PRR16: variants seen among roughly 807,000 people sequenced by gnomAD.
PRR16 encodes protein Largen.
A neutral mutation model predicts 18.2 loss-of-function variants in PRR16; 6 were observed. The observed-to-expected ratio is 0.33, with a 90% CI of 0.18 to 0.65. The LOEUF (loss-of-function observed/expected upper bound fraction) is 0.65. PRR16 is among the 30% of genes least tolerant of loss of function. The pLI is 0.74. For synonymous variants in PRR16, 151 were observed against 147.8 expected, an observed-to-expected ratio of 1.02 and a Z score of -0.16; for missense variants, 412 against 376.6, an observed-to-expected ratio of 1.09 and a Z score of -0.78.
At chr5:120,473,551 C>T (rs991947551) in intron 1 of PRR16, among the ~76,000 whole-genome samples, 5 of 152,166 alleles carry the variant, frequency 3.3e-5, no homozygotes, top group South Asian at 2.1e-4. Context: ...CTTTGTAGAA[C>T]GTTTAGAATG....
chr5:120,569,195 A>G (rs139232813), intron 1 of PRR16, among the ~76,000 whole-genome samples: 5 of 152,160 alleles, frequency 3.3e-5, no homozygotes, highest in African/African-American at 4.8e-5. Flanking sequence ...CTTTTAACCA[A>G]TTGTTTACTG....
intron 1 of PRR16, among the ~76,000 whole-genome samples, chr5:120,494,661 G>C (rs1467472017): frequency 6.6e-6 from 1 of 151,930 alleles, no homozygotes; most frequent in Non-Finnish European, 1.5e-5. Flanking sequence ...TCAGGCTATT[G>C]GTGTTAAGTA....
the PRR16 span, among the ~76,000 whole-genome samples, chr5:120,750,581 C>T: frequency 1.1e-4 from 16 of 151,896 alleles, no homozygotes; most frequent in East Asian, 1.6e-3. Context: ...GCAGGAGAAT[C>T]GCTTGGACAT....
At chr5:120,607,763 G>A (rs1278707771) in intron 1 of PRR16, among the ~76,000 whole-genome samples, 8 of 151,716 alleles carry the variant, frequency 5.3e-5, no homozygotes, top group Non-Finnish European at 7.4e-5. Context: ...TTTCCTAGAG[G>A]TGATAACCAT....
At chr5:120,712,377 C>A in the PRR16 span, among the ~76,000 whole-genome samples, 2 of 152,090 alleles carry the variant, frequency 1.3e-5, no homozygotes, top group African/African-American at 4.8e-5. Context: ...CTTTGACCTA[C>A]AGCTATACGT....
chr5:120,537,863 G>A (rs373515880), intron 1 of PRR16, among the ~76,000 whole-genome samples: 2 of 139,438 alleles, frequency 1.4e-5, no homozygotes. Context: ...TGCAAGCTCC[G>A]CCTCCCGGGT....
chr5:120,715,696 A>T, the PRR16 span, among the ~76,000 whole-genome samples: 1 of 152,182 alleles, frequency 6.6e-6, no homozygotes, highest in Non-Finnish European at 1.5e-5. Flanking sequence ...ATGAAAATCA[A>T]AATAAATTAA....
chr5:120,534,230 T>G (rs751822753), intron 1 of PRR16, among the ~76,000 whole-genome samples: 1 of 152,172 alleles, frequency 6.6e-6, no homozygotes, highest in Non-Finnish European at 1.5e-5. Flanking sequence ...ATGAGATCAC[T>G]AAGAGAGATA....
chr5:120,718,062 T>A, the PRR16 span, among the ~76,000 whole-genome samples: 1 of 152,138 alleles, frequency 6.6e-6, no homozygotes, highest in East Asian at 1.9e-4. Flanking sequence ...GCCCTACACT[T>A]GTTAGAACAT....
rs553967103 is a variant in PRR16, at chr5:120,647,513, A to G, written c.160-38441A>G. On this transcript the variant is annotated intron_variant, in intron 1 of 1. Coordinates refer to ENST00000407149, the MANE Select transcript of PRR16 (RefSeq NM_001300783.2). ...CATATAACAAAAAGTAAGGTTATTCATTTTTAGTTTGTCACTCTGTATAGA... is the reference window on the plus strand; with the variant it reads ...CATATAACAAAAAGTAAGGTTATTCGTTTTTAGTTTGTCACTCTGTATAGA... 5.3e-5 allele frequency among the ~76,000 whole-genome samples: 8 copies of G among 152,160 alleles called. No homozygotes were observed. In the East Asian group the frequency reaches 1.2e-3, roughly 22 times the overall value.
At chr5:120,705,245 C>T in the PRR16 span, among the ~76,000 whole-genome samples, 1 of 151,920 alleles carries the variant, frequency 6.6e-6, no homozygotes, top group Non-Finnish European at 1.5e-5. Context: ...GAAAATTATT[C>T]ATTTATAGCT....
the PRR16 span, among the ~76,000 whole-genome samples, chr5:120,726,993 A>C: frequency 1.3e-5 from 2 of 152,044 alleles, no homozygotes; most frequent in Non-Finnish European, 2.9e-5. Context: ...GCTGCTCATC[A>C]ACCCAGTGAA....
chr5:120,575,234 A>G (rs1372780090), intron 1 of PRR16, among the ~76,000 whole-genome samples: 1 of 151,918 alleles, frequency 6.6e-6, no homozygotes, highest in East Asian at 1.9e-4. Context: ...TATTTACCAG[A>G]AGACATGTAA....
intron 1 of PRR16, among the ~76,000 whole-genome samples, chr5:120,681,617 T>C (rs1001875358): frequency 3.3e-5 from 5 of 152,168 alleles, no homozygotes; most frequent in African/African-American, 1.2e-4. Context: ...TATTTACCTT[T>C]CACTGAATTT....
the PRR16 span, among the ~76,000 whole-genome samples, chr5:120,785,639 C>G: frequency 7.2e-6 from 1 of 138,096 alleles, no homozygotes; most frequent in Non-Finnish European, 1.5e-5. Flanking sequence ...GTGGCGCGAT[C>G]TCAGCTCACT....
intron 1 of PRR16, among the ~76,000 whole-genome samples, chr5:120,482,536 G>A (rs1417538878): frequency 1.3e-5 from 2 of 152,072 alleles, no homozygotes; most frequent in African/African-American, 4.8e-5. Context: ...ACCATTGATG[G>A]GCACCTAGAT....
chr5:120,767,031 A>G, the PRR16 span, among the ~76,000 whole-genome samples: 83 of 152,116 alleles, frequency 5.5e-4, no homozygotes, highest in African/African-American at 1.9e-3. Context: ...CTAATAAAAC[A>G]AGAATGTTTA....
chr5:120,557,946 T>G (rs1752467641), intron 1 of PRR16, among the ~76,000 whole-genome samples: 1 of 151,906 alleles, frequency 6.6e-6, no homozygotes, highest in South Asian at 2.1e-4. Context: ...TTAGATTTAA[T>G]AGCACAAAGT....
intron 1 of PRR16, among the ~76,000 whole-genome samples, chr5:120,509,582 A>G (rs914585608): frequency 6.6e-6 from 1 of 152,108 alleles, no homozygotes; most frequent in East Asian, 1.9e-4. Flanking sequence ...ATGTAGTAGT[A>G]TCTAGGCATT....
Sources: allele counts gnomAD v4.1 joint callset (sites outside exome capture counted in the v4.1 genomes callset), GRCh38; gene constraint gnomAD v4.1.1; transcripts MANE v1.5; gene names NCBI Gene and HGNC (gene_info 2026-07-23, HGNC 2026-07-21).